Variants in ROBO2 observed in about 807,000 individuals in gnomAD.
ROBO2 encodes roundabout homolog 2.
In ROBO2, 53 loss-of-function variants were observed where a neutral mutation model predicts 160.8. The observed-to-expected ratio is 0.33, with a 90% CI of 0.26 to 0.41. The LOEUF is 0.41. ROBO2 is among the 10% of genes least tolerant of loss of function. The probability of loss-of-function intolerance (pLI) is 1.00; values close to 1 mark genes in which losing one functional copy is unlikely to be tolerated. For missense variants in ROBO2, 1,577 were observed against 1,722.4 expected (o/e 0.92, Z 1.49); for synonymous variants, 664 against 611.7 (o/e 1.09, Z -1.26).
chr3:76,184,947 C>T (rs1021425961), intron 2 of ROBO2, among the ~76,000 whole-genome samples: 4 of 151,746 alleles, frequency 2.6e-5, no homozygotes, highest in Non-Finnish European at 5.9e-5. Context: ...CTTCCCACAT[C>T]GATGGTGGCT....
chr3:77,108,159 T>C lies in ROBO2; in HGVS notation c.388+9819T>C, dbSNP rs1007537514. On this transcript the variant is annotated intron_variant, in intron 2 of 25. Transcript: ENST00000461745. ...ACATATATGTGTGTATCCATGTTTA[T>C]ATATACATATGTATACACATATGCA... Among the ~76,000 whole-genome samples the C allele has an allele frequency of 2.6e-5, 4 of 151,504 alleles. No homozygotes were observed. The South Asian group carries it at 8.3e-4, about 31-fold the overall frequency.
At chr3:76,937,057 C>T (rs546637189) in intron 2 of ROBO2, among the ~76,000 whole-genome samples, 1 of 152,264 alleles carries the variant, frequency 6.6e-6, no homozygotes, top group South Asian at 2.1e-4. Flanking sequence ...AATCTACTCA[C>T]ATTAATTGAG....
At chr3:77,370,101 A>G (rs571200086) in intron 2 of ROBO2, among the ~76,000 whole-genome samples, 1 of 152,308 alleles carries the variant, frequency 6.6e-6, no homozygotes, top group African/African-American at 2.4e-5. Flanking sequence ...TTCTGAAATA[A>G]TGGTTGGATT....
chr3:76,845,132 C>A (rs896514753), intron 2 of ROBO2, among the ~76,000 whole-genome samples: 7 of 151,846 alleles, frequency 4.6e-5, no homozygotes, highest in Non-Finnish European at 1.0e-4. Context: ...GTTAAATCGC[C>A]AAATACCGTG....
chr3:77,476,368 ATGTGTGTGTGTGTG>A (rs60219148), intron 2 of ROBO2, among the ~76,000 whole-genome samples: 99 of 143,740 alleles, frequency 6.9e-4, no homozygotes, highest in Non-Finnish European at 7.8e-4. Flanking sequence ...GTCTGTGGGT[ATGTGTGTGTGTGTG>A]TGTGTGTGTG....
At chr3:77,230,465 T>C (rs762414023) in intron 2 of ROBO2, among the ~76,000 whole-genome samples, 5 of 152,332 alleles carry the variant, frequency 3.3e-5, no homozygotes, top group Non-Finnish European at 5.9e-5. Context: ...AACCTAGATT[T>C]ATTTGAAGCT....
chr3:76,280,303 T>A (rs914893308), intron 2 of ROBO2, among the ~76,000 whole-genome samples: 2 of 152,002 alleles, frequency 1.3e-5, no homozygotes, highest in African/African-American at 4.8e-5. Flanking sequence ...AGTGTGACTG[T>A]ATCTGGAGAT....
chr3:76,573,062 A>G (rs1296395265), intron 2 of ROBO2, among the ~76,000 whole-genome samples: 1 of 152,138 alleles, frequency 6.6e-6, no homozygotes, highest in African/African-American at 2.4e-5. Context: ...TTAAGGATTG[A>G]ATTAATTTTA....
intron 23 of ROBO2, among the ~76,000 whole-genome samples, chr3:77,623,471 A>G (rs2094941790): frequency 6.6e-6 from 1 of 152,250 alleles, no homozygotes; most frequent in Admixed American, 6.5e-5. Context: ...GGTTTATGAC[A>G]GGATAAAGCA....
intron 2 of ROBO2, among the ~76,000 whole-genome samples, chr3:77,358,610 A>G (rs1436116860): frequency 6.6e-6 from 1 of 152,228 alleles, no homozygotes; most frequent in Non-Finnish European, 1.5e-5. Context: ...AATATGTTAA[A>G]TGTATAAATA....
chr3:76,391,090 T>C (rs976311098), intron 2 of ROBO2, among the ~76,000 whole-genome samples: 1 of 151,962 alleles, frequency 6.6e-6, no homozygotes, highest in African/African-American at 2.4e-5. Flanking sequence ...TAATATGTTA[T>C]AATAAATATT....
chr3:76,442,662 C>T (rs140778856), intron 2 of ROBO2, among the ~76,000 whole-genome samples: 71 of 152,226 alleles, frequency 4.7e-4, no homozygotes, highest in African/African-American at 1.7e-3. Context: ...ATTGCATGCT[C>T]TTCTGAGTAG....
intron 2 of ROBO2, among the ~76,000 whole-genome samples, chr3:76,807,981 C>A (rs778650463): frequency 6.6e-6 from 1 of 151,806 alleles, no homozygotes; most frequent in African/African-American, 2.4e-5. Flanking sequence ...GGCAGTTAAG[C>A]TACCAAAGTC....
At chr3:76,948,849 TGCCC>T (rs1174476083) in intron 2 of ROBO2, among the ~76,000 whole-genome samples, 68 of 133,612 alleles carry the variant, frequency 5.1e-4, no homozygotes, top group Non-Finnish European at 8.0e-4. Context: ...GGATTACAGG[TGCCC>T]GCCACCACAC....
At chr3:77,235,453 C>T (rs903943791) in intron 2 of ROBO2, among the ~76,000 whole-genome samples, 5 of 151,508 alleles carry the variant, frequency 3.3e-5, no homozygotes, top group East Asian at 1.9e-4. Context: ...CCCGGGTTCA[C>T]GCCAGAGAGG....
In ROBO2 at chr3:76,386,536, A is replaced by G. The variant is rs1204795142; in HGVS notation, c.109+448934A>G. On this transcript the variant is annotated intron_variant, in intron 2 of 26. Coordinates refer to the ROBO2 transcript ENST00000487694. ...TTTAAGGGTTTTTTAGGGGTTTTTA[A>G]AAGCCCTTAAAGGTTGCAAGCCATT... 2.0e-5 allele frequency among the ~76,000 whole-genome samples: 3 copies of G among 152,164 alleles called. No individual in the cohort carries two copies. The East Asian group carries it at 5.8e-4, about 29-fold the overall frequency.
At chr3:76,180,536 T>G (rs775775283) in intron 2 of ROBO2, among the ~76,000 whole-genome samples, 1 of 152,136 alleles carries the variant, frequency 6.6e-6, no homozygotes, top group Non-Finnish European at 1.5e-5. Flanking sequence ...GAAGTCTCAC[T>G]TTTTCTCACC....
chr3:77,411,480 G>A (rs1002678303), intron 2 of ROBO2, among the ~76,000 whole-genome samples: 2 of 152,230 alleles, frequency 1.3e-5, no homozygotes, highest in South Asian at 2.1e-4. Flanking sequence ...AACCTAAGAA[G>A]GATGAAGTCA....
At chr3:76,616,288 G>A (rs1308983077) in intron 2 of ROBO2, among the ~76,000 whole-genome samples, 1 of 152,056 alleles carries the variant, frequency 6.6e-6, no homozygotes, top group African/African-American at 2.4e-5. Context: ...TTAATACCTA[G>A]ATCTTGGAAA....
Sources: gnomAD v4.1 joint callset for allele counts (sites outside exome capture counted in the v4.1 genomes callset) on GRCh38, gnomAD v4.1.1 for gene constraint, MANE v1.5 for transcripts, NCBI Gene and HGNC (gene_info 2026-07-23, HGNC 2026-07-21) for gene names.